Variants in ZNF292 observed in about 807,000 individuals in gnomAD.
ZNF292 encodes the protein 16 zinc-finger domain protein.
A neutral mutation model predicts 217.9 loss-of-function variants in ZNF292; 26 were observed. The observed-to-expected ratio is 0.12, with a 90% CI of 0.09 to 0.17. The LOEUF (loss-of-function observed/expected upper bound fraction) is 0.17, where lower values mean the gene tolerates loss of function less well. Ranked by LOEUF, ZNF292 falls within the 10% of genes least tolerant of loss-of-function variation. ZNF292 has a pLI of 1.00. For missense variants in ZNF292, 2,904 were observed against 3,175.2 expected (o/e 0.91, Z 2.05); for synonymous variants, 1,257 against 1,124.1 (o/e 1.12, Z -2.37).
chr6:87,249,996 C>T (rs1222908139), intron 7 of ZNF292, among the ~76,000 whole-genome samples: 1 of 145,568 alleles, frequency 6.9e-6, no homozygotes, highest in African/African-American at 2.6e-5. Flanking sequence ...AGGCGTGAGC[C>T]ACTGTACCCA....
At position 87,215,917 on chromosome 6, in the gene ZNF292, T is replaced by C. The variant is rs759442794; in HGVS notation, c.183T>C (p.Tyr61=). 1.9e-6 allele frequency: 3 copies of C among 1,598,738 alleles called. No individual in the cohort carries two copies. The highest frequency in any genetic ancestry group is 2.3e-5 in the East Asian group (1 of 44,380). The change falls in exon 2 of 8, where the codon TAT becomes TAC. Residue 61 remains tyrosine (Y), a synonymous_variant. Coordinates refer to ENST00000369577, the MANE Select transcript of ZNF292 (RefSeq NM_015021.3). ...TTCCAAAACAGACACTCCTAGAATA[T>C]GCAGAGAAATGGAAAACTTCAGAAG... ...CQQLCQTLLE[Y]AEKWKTSEDP... is the part of the protein sequence containing the mutation.
chr6:87,193,331 G>A (rs1357624404), intron 1 of ZNF292, among the ~76,000 whole-genome samples: 2 of 152,114 alleles, frequency 1.3e-5, no homozygotes, highest in Non-Finnish European at 2.9e-5. Flanking sequence ...GATCGCTTGA[G>A]CTCAGGAGTT....
intron 1 of ZNF292, among the ~76,000 whole-genome samples, chr6:87,197,722 CAAAAAAAAAAAAAAA>C (rs11312557): frequency 3.9e-5 from 3 of 77,310 alleles, no homozygotes; most frequent in Non-Finnish European, 4.9e-5. Flanking sequence ...CTCGCTGTTT[CAAAAAAAAAAAAAAA>C]AAAAAAAAGC....
intron 4 of ZNF292, among the ~76,000 whole-genome samples, chr6:87,232,909 A>G (rs184707392): frequency 5.9e-5 from 9 of 152,220 alleles, no homozygotes; most frequent in African/African-American, 9.6e-5. Context: ...GAATGTCCCA[A>G]TAGCTTTTTG....
intron 1 of ZNF292, among the ~76,000 whole-genome samples, chr6:87,172,419 T>C (rs994965963): frequency 6.6e-6 from 1 of 152,096 alleles, no homozygotes; most frequent in African/African-American, 2.4e-5. Flanking sequence ...ACAATACATA[T>C]GCACCTGGTG....
In ZNF292 at chr6:87,258,221, C is replaced by T; in HGVS notation, c.4592C>T (p.Pro1531Leu). ...SQVNATVMPN[P>L]TVPPLLHTVC... The stretch of plus-strand genomic sequence containing the variant: ...GTAAATGCAACGGTGATGCCAAATC[C>T]AACTGTACCACCCCTGTTGCACACT... The change falls in exon 8 of 8, where the codon CCA (proline) becomes CTA (leucine). Residue 1531 changes from proline (P) to leucine (L), a missense_variant. Pro to Leu is a moderately conservative substitution (Grantham distance 98). Around this residue, in one of 15 missense-constraint regions of ZNF292, gnomAD observed 622 missense variants for 573.1 expected, o/e 1.09. Transcript: ENST00000369577. The T allele has an allele frequency of 1.2e-6, 2 of 1,612,244 alleles. No individual in the cohort carries two copies. Among genetic ancestry groups the T allele is most frequent in the Non-Finnish European group, 1.7e-6 (2 of 1,179,276 alleles).
chr6:87,176,292 CAGT>C (rs768748728), intron 1 of ZNF292, among the ~76,000 whole-genome samples: 11 of 152,184 alleles, frequency 7.2e-5, no homozygotes, highest in Admixed American at 1.3e-4. Flanking sequence ...GAAGAATAGA[CAGT>C]GGTGGGGAAA....
chr6:87,194,829 A>G (rs1771909815), intron 1 of ZNF292, among the ~76,000 whole-genome samples: 1 of 152,194 alleles, frequency 6.6e-6, no homozygotes, highest in South Asian at 2.1e-4. Context: ...CCAGCAATAT[A>G]TGCGAAAAAT....
At chr6:87,225,787 A>G (rs999801939) in intron 4 of ZNF292, among the ~76,000 whole-genome samples, 1 of 152,302 alleles carries the variant, frequency 6.6e-6, no homozygotes, top group East Asian at 1.9e-4. Context: ...TCTTAAGCTT[A>G]TCAAAGAAGT....
In ZNF292 at chr6:87,256,187, A is replaced by G. The variant is rs1354519480; in HGVS notation, c.2558A>G (p.Gln853Arg). ...CTTAATTCATCTGGAGATTCCATTC[A>G]GCCTTCTGAAGTGAATCAGAACACA... ...AQLNSSGDSI[Q>R]PSEVNQNTAE... Residue 853 changes from glutamine (Q) to arginine (R), a missense_variant, in exon 8 of 8, where the codon CAG becomes CGG. Physicochemically the swap from Gln to Arg is conservative, Grantham distance 43. Coordinates refer to ENST00000369577, the MANE Select transcript of ZNF292 (RefSeq NM_015021.3). The G allele has an allele frequency of 3.7e-6, 6 of 1,613,868 alleles. No individual in the cohort carries two copies. In the East Asian group the frequency reaches 1.1e-4, roughly 30 times the overall value.
Position 87,155,773 on chromosome 6 carries a change from G to GT in ZNF292, c.168+15dup. The stretch of plus-strand genomic sequence containing the variant: ...CAGCTGTGCCAGGTGAGGGCGCCCG[G>GT]TGGTCCCCTCCCCCTTTCCCCAGCT... On this transcript the variant is annotated intron_variant, in intron 1 of 7. Transcript: ENST00000369577. 6.3e-7 allele frequency: 1 copy of GT among 1,581,190 alleles called. No individual in the cohort carries two copies. Among genetic ancestry groups the GT allele is most frequent in the South Asian group, 1.2e-5 (1 of 86,846 alleles).
intron 5 of ZNF292, among the ~76,000 whole-genome samples, chr6:87,236,392 T>G (rs928130540): frequency 7.4e-6 from 1 of 135,678 alleles, no homozygotes; most frequent in Non-Finnish European, 1.7e-5. Context: ...ATAGGTTGTT[T>G]TTTTTTTTTT....
chr6:87,199,135 G>C (rs1038392534), intron 1 of ZNF292, among the ~76,000 whole-genome samples: 1 of 152,178 alleles, frequency 6.6e-6, no homozygotes, highest in Non-Finnish European at 1.5e-5. Flanking sequence ...ATGCATGAGA[G>C]TTACAGTTTC....
chr6:87,229,341 TCATGTCATCTGCTAA>T (rs1773530674), intron 4 of ZNF292, among the ~76,000 whole-genome samples: 1 of 152,204 alleles, frequency 6.6e-6, no homozygotes, highest in African/African-American at 2.4e-5. Context: ...ACATACAAGA[TCATGTCATCTGCTAA>T]CAGATGATTT....
rs143614482 is a variant in ZNF292 at position 87,186,891 on chromosome 6, C to T, written c.169-29012C>T. Among the ~76,000 whole-genome samples, 115 of 152,230 alleles carry T rather than the reference C, an allele frequency of 7.6e-4. 1 individual carries two copies. The highest frequency in any genetic ancestry group is 5.8e-3 in the East Asian group (30 of 5,186). ...TTCCAGAACTTAAAGTTTCTCTGAA[C>T]GCGTGAACTAAAAATTTTTCCTCCA... On this transcript the variant is annotated intron_variant, in intron 1 of 7. Coordinates refer to ENST00000369577, the MANE Select transcript of ZNF292 (RefSeq NM_015021.3).
At chr6:87,156,127 AT>A (rs1228818428) in intron 1 of ZNF292, among the ~76,000 whole-genome samples, 1 of 152,066 alleles carries the variant, frequency 6.6e-6, no homozygotes, top group Non-Finnish European at 1.5e-5. Context: ...TGCACTGGGG[AT>A]TACCGCGCCT....
chr6:87,210,568 T>A (rs536115761), intron 1 of ZNF292, among the ~76,000 whole-genome samples: 15 of 151,666 alleles, frequency 9.9e-5, no homozygotes, highest in Non-Finnish European at 1.6e-4. Context: ...GATCACGAGG[T>A]CAAGAGATCA....
chr6:87,255,123 T>G lies in ZNF292; in HGVS notation c.1494T>G (p.Ser498=). 9 of 1,613,740 alleles carry G rather than the reference T, an allele frequency of 5.6e-6. No homozygotes were observed. Among genetic ancestry groups the G allele is most frequent in the Non-Finnish European group, 7.6e-6 (9 of 1,179,834 alleles). ...ESKETSMNGL[S]GGVGANSGLL... ...AAGAAACTTCTATGAATGGGCTTTC[T>G]GGTGGAGTTGGTGCTAATTCTGGCC... Residue 498 remains serine, a synonymous_variant, in exon 8 of 8, where the codon TCT becomes TCG. Coordinates refer to ENST00000369577, the MANE Select transcript of ZNF292 (RefSeq NM_015021.3).
intron 1 of ZNF292, among the ~76,000 whole-genome samples, chr6:87,199,171 T>C (rs1426440624): frequency 3.3e-5 from 5 of 152,264 alleles, no homozygotes; most frequent in East Asian, 1.9e-4. Context: ...ACACTTGATA[T>C]TGTCTTTTTA....
Sources: gnomAD v4.1 joint callset for allele counts (sites outside exome capture counted in the v4.1 genomes callset) on GRCh38, gnomAD v4.1.1 for gene constraint, gnomAD v4.1.1 regional missense constraint, MANE v1.5 for transcripts, NCBI Gene and HGNC (gene_info 2026-07-23, HGNC 2026-07-21) for gene names.